MALRD1: variants seen among roughly 807,000 people sequenced by gnomAD.
The protein encoded by MALRD1 is MAM and LDL-receptor class A domain-containing protein 1.
Under a neutral mutation model 242.1 loss-of-function variants are expected in MALRD1, and 247 were observed. The observed-to-expected ratio is 1.02, with a 90% CI of 0.92 to 1.13. The LOEUF is 1.13. Among genes scored for constraint, MALRD1 ranks in the 50% most tolerant of loss-of-function variants. MALRD1 has a pLI of 0.00. For missense variants in MALRD1, 2,989 were observed against 2,533.1 expected (o/e 1.18, Z -3.86); for synonymous variants, 995 against 866.6 (o/e 1.15, Z -2.60).
At chr10:19,447,889 C>T (rs1032514062) in intron 28 of MALRD1, among the ~76,000 whole-genome samples, 2 of 152,110 alleles carry the variant, frequency 1.3e-5, no homozygotes, top group Non-Finnish European at 2.9e-5. Flanking sequence ...GGTGTGAATT[C>T]TCCACCCCTT....
At chr10:19,665,672 G>C (rs1841645894) in intron 36 of MALRD1, among the ~76,000 whole-genome samples, 1 of 152,040 alleles carries the variant, frequency 6.6e-6, no homozygotes, top group Admixed American at 6.6e-5. Flanking sequence ...TGGGCATTCA[G>C]GGCTTTAACT....
intron 19 of MALRD1, among the ~76,000 whole-genome samples, chr10:19,273,666 C>A (rs1840364489): frequency 6.6e-6 from 1 of 152,140 alleles, no homozygotes; most frequent in Non-Finnish European, 1.5e-5. Context: ...ATATGACGTT[C>A]TGGAAAAAAG....
At chr10:19,697,361 A>C (rs951538601) in intron 38 of MALRD1, among the ~76,000 whole-genome samples, 3 of 152,032 alleles carry the variant, frequency 2.0e-5, no homozygotes, top group African/African-American at 7.2e-5. Context: ...TTTCTTCATA[A>C]GGAAATCCCA....
At chr10:19,638,065 C>T (rs1840220454) in intron 36 of MALRD1, among the ~76,000 whole-genome samples, 1 of 123,912 alleles carries the variant, frequency 8.1e-6, no homozygotes, top group Non-Finnish European at 1.6e-5. Flanking sequence ...TGTGCCACTG[C>T]ACTGTAGCCT....
At position 19,595,316 on chromosome 10, in the gene MALRD1, G is replaced by T; in HGVS notation, c.5803G>T (p.Glu1935Ter). 6 of 1,550,808 alleles carry T rather than the reference G, an allele frequency of 3.9e-6. No individual in the cohort carries two copies. Among genetic ancestry groups the T allele is most frequent in the Non-Finnish European group, 5.2e-6 (6 of 1,147,010 alleles). ...GHEDCIDGSD[E>*]MDCPLSPTPP... ...TGAAGACTGCATAGATGGATCTGATGAAATGGATTGTCCTCTCAGCCCCAC... is the reference window on the plus strand; with the variant it reads ...TGAAGACTGCATAGATGGATCTGATTAAATGGATTGTCCTCTCAGCCCCAC... The change falls in exon 34 of 40, where the codon GAA (glutamate) becomes TAA (stop). Residue 1935 changes from glutamate to a stop codon, truncating the protein, a stop_gained. Transcript: ENST00000454679. LOFTEE classifies it high-confidence loss of function.
intron 28 of MALRD1, among the ~76,000 whole-genome samples, chr10:19,439,630 C>T (rs1834521553): frequency 6.6e-6 from 1 of 152,056 alleles, no homozygotes; most frequent in African/African-American, 2.4e-5. Flanking sequence ...GAGTGCAGTA[C>T]ATTAGCTATA....
intron 4 of MALRD1, among the ~76,000 whole-genome samples, chr10:19,097,244 C>G (rs1451681299): frequency 6.6e-6 from 1 of 152,058 alleles, no homozygotes; most frequent in African/African-American, 2.4e-5. Context: ...AGCTTAGACT[C>G]TAGGGTAGTT....
chr10:19,123,309 G>GTGTA (rs1052896711), intron 5 of MALRD1, among the ~76,000 whole-genome samples, 183 bp from the exon 6 acceptor site: 1 of 151,596 alleles, frequency 6.6e-6, no homozygotes, highest in African/African-American at 2.4e-5. Flanking sequence ...GTGTGTATGT[G>GTGTA]TGTGTGTGTG....
intron 35 of MALRD1, among the ~76,000 whole-genome samples, chr10:19,614,080 G>C (rs567207266): frequency 5.3e-5 from 8 of 152,036 alleles, no homozygotes; most frequent in African/African-American, 1.9e-4. Flanking sequence ...AACCATGGCT[G>C]TATATCTTTT....
chr10:19,562,361 C>A (rs1214298647), intron 32 of MALRD1, among the ~76,000 whole-genome samples: 2 of 142,904 alleles, frequency 1.4e-5, no homozygotes, highest in South Asian at 4.4e-4. Flanking sequence ...AGATAGATAT[C>A]TAGATAGATA....
chr10:19,509,948 T>C (rs61841372), intron 31 of MALRD1, among the ~76,000 whole-genome samples: 14,343 of 152,052 alleles, frequency 0.094, 711 homozygotes, highest in East Asian at 0.16. Context: ...ATACAGAGGA[T>C]CCGCTCCAGC....
chr10:19,320,041 CTTTTTTT>C (rs34481531), intron 21 of MALRD1, among the ~76,000 whole-genome samples: 19 of 73,070 alleles, frequency 2.6e-4, no homozygotes, highest in African/African-American at 6.8e-4. Context: ...TATAAAACTG[CTTTTTTT>C]TTTTTTTTTT....
intron 19 of MALRD1, among the ~76,000 whole-genome samples, chr10:19,259,748 T>C (rs937303132): frequency 2.6e-5 from 4 of 152,116 alleles, no homozygotes; most frequent in African/African-American, 4.8e-5. Flanking sequence ...TTCCCACAGA[T>C]GTCTATCTGA....
intron 31 of MALRD1, among the ~76,000 whole-genome samples, chr10:19,504,807 C>T (rs1283893233): frequency 2.0e-5 from 3 of 150,432 alleles, no homozygotes; most frequent in South Asian, 2.1e-4. Flanking sequence ...CTCAGCCTCC[C>T]GAGTAGCTGG....
chr10:19,196,356 T>C (rs983202136), intron 14 of MALRD1, among the ~76,000 whole-genome samples: 1 of 152,126 alleles, frequency 6.6e-6, no homozygotes, highest in Non-Finnish European at 1.5e-5. Context: ...GAATCTCTTT[T>C]TAACTCAGTC....
intron 36 of MALRD1, among the ~76,000 whole-genome samples, chr10:19,658,135 C>T (rs960585630): frequency 2.6e-5 from 4 of 151,694 alleles, no homozygotes; most frequent in Admixed American, 1.3e-4. Flanking sequence ...GCAACAAGAG[C>T]GAAACTCAAT....
intron 11 of MALRD1, among the ~76,000 whole-genome samples, chr10:19,148,199 G>A (rs1018332943): frequency 6.6e-6 from 1 of 152,070 alleles, no homozygotes; most frequent in Non-Finnish European, 1.5e-5. Context: ...GAAGGCCTAA[G>A]CCAAGGCAGT....
chr10:19,475,989 C>G (rs1049719991), intron 29 of MALRD1, among the ~76,000 whole-genome samples: 8 of 152,206 alleles, frequency 5.3e-5, no homozygotes, highest in African/African-American at 1.9e-4. Flanking sequence ...TGCCGCTCCT[C>G]TCCTCACTTT....
At chr10:19,137,230 G>T (rs1052881891) in intron 10 of MALRD1, among the ~76,000 whole-genome samples, 1 of 151,754 alleles carries the variant, frequency 6.6e-6, no homozygotes, top group Admixed American at 6.6e-5. Flanking sequence ...TTCCTCCAGG[G>T]CAGCTACCAT....
Sources: gnomAD v4.1 joint callset for allele counts (sites outside exome capture counted in the v4.1 genomes callset) on GRCh38, gnomAD v4.1.1 for gene constraint, MANE v1.5 for transcripts, NCBI Gene and HGNC (gene_info 2026-07-23, HGNC 2026-07-21) for gene names.